The following GRIP2 variants were observed in gnomAD, a reference collection of about 807,000 sequenced individuals.
GRIP2 encodes the protein glutamate receptor interacting protein 2.
Under a neutral mutation model 108.3 loss-of-function variants are expected in GRIP2, and 58 were observed. That is an observed-to-expected ratio of 0.54 (90% CI 0.43 to 0.67). The LOEUF (loss-of-function observed/expected upper bound fraction) is 0.67. Ranked by LOEUF, GRIP2 falls within the 30% of genes least tolerant of loss-of-function variation. The pLI is 0.00. For synonymous variants in GRIP2, 586 were observed against 598.2 expected, an observed-to-expected ratio of 0.98 and a Z score of 0.30; for missense variants, 1,278 against 1,430.6, an observed-to-expected ratio of 0.89 and a Z score of 1.72.
chr3:14,564,270 T>C, the GRIP2 span, among the ~76,000 whole-genome samples: 2 of 152,228 alleles, frequency 1.3e-5, no homozygotes, highest in East Asian at 3.9e-4. Flanking sequence ...GCAGGCACCA[T>C]TCACAAGTAC....
the GRIP2 span, among the ~76,000 whole-genome samples, chr3:14,564,993 C>A: frequency 7.6e-3 from 1,159 of 152,336 alleles, 5 homozygotes; most frequent in Admixed American, 0.011. Flanking sequence ...AACACAGCAC[C>A]CCGAGCACAA....
chr3:14,535,278 C>T (rs1042182142), intron 1 of GRIP2, among the ~76,000 whole-genome samples: 5 of 152,150 alleles, frequency 3.3e-5, no homozygotes, highest in African/African-American at 1.2e-4. Context: ...GACTTTGATT[C>T]TAAATCGGCT....
the GRIP2 span, among the ~76,000 whole-genome samples, chr3:14,597,324 T>TG: frequency 2.0e-5 from 3 of 152,018 alleles, no homozygotes; most frequent in Non-Finnish European, 2.9e-5. Context: ...TTTTTTCCAG[T>TG]GGGGAAAAAA....
chr3:14,511,447 T>G lies in GRIP2; in HGVS notation c.1753A>C (p.Ile585Leu). 6.2e-7 allele frequency: 1 copy of G among 1,613,792 alleles called. No homozygotes were observed. The highest frequency in any genetic ancestry group is 8.5e-7 in the Non-Finnish European group (1 of 1,179,862). ...ACGCTGCCTTTCTTGATGTCGGAGA[T>G]GATCAAGGGCTCCCCTCGTTTCCTG... Reference protein sequence around the residue: ...ASRKRGEPLIISDIKKGSVAH... With the variant: ...ASRKRGEPLILSDIKKGSVAH... The change falls in exon 15 of 24, where the codon ATC (isoleucine) becomes CTC (leucine). Residue 585 changes from isoleucine to leucine, a missense_variant. Ile to Leu is a conservative substitution (Grantham distance 5, BLOSUM62 2). Coordinates refer to ENST00000621039, the MANE Select transcript of GRIP2 (RefSeq NM_001080423.4). This position sits in a 1 kb window ranked among gnomAD's most constrained non-coding sequence, Gnocchi z 4.1.
chr3:14,536,637 G>A lies in GRIP2; in HGVS notation c.40+3632C>T, dbSNP rs376252649. ...CCTGTCCAGCAGGCCTGAGCCACAC[G>A]CAGGCCAACATCCCACCATGGGAGA... On this transcript the variant is annotated intron_variant, in intron 1 of 23. Transcript: ENST00000621039. Among the ~76,000 whole-genome samples the A allele has an allele frequency of 7.9e-5, 12 of 152,342 alleles. No individual in the cohort carries two copies. In the East Asian group the frequency reaches 9.6e-4, roughly 12 times the overall value.
intron 20 of GRIP2, among the ~76,000 whole-genome samples, chr3:14,504,160 T>C (rs1315684553): frequency 2.0e-5 from 3 of 152,120 alleles, no homozygotes; most frequent in Non-Finnish European, 4.4e-5. Flanking sequence ...ATAACTCCCA[T>C]CACAGGTTGT....
At chr3:14,508,831 C>T (rs1331738386) in intron 17 of GRIP2, among the ~76,000 whole-genome samples, 2 of 152,122 alleles carry the variant, frequency 1.3e-5, no homozygotes, top group African/African-American at 2.4e-5. Context: ...AGATGAATTT[C>T]ATCTTTTTGC....
intron 17 of GRIP2, among the ~76,000 whole-genome samples, chr3:14,509,322 C>T (rs1053911439): frequency 2.6e-5 from 4 of 152,246 alleles, no homozygotes; most frequent in African/African-American, 7.2e-5. Flanking sequence ...CACTGGGGGT[C>T]GGGTTCCATC....
In GRIP2 at chr3:14,505,665, G is replaced by A. The variant is rs371589692; in HGVS notation, c.2523C>T (p.Asp841=). Residue 841 remains aspartate (D), a synonymous_variant, in exon 20 of 24, where the codon GAC becomes GAT. Transcript: ENST00000621039. This position sits in a 1 kb window ranked among gnomAD's most constrained non-coding sequence, Gnocchi z 4.2. ...CCTCCTCCTCCTCTGGAAAGCTCTC[G>A]TCAGCTGGGGTTGGGGTATAGCTCG... The part of the protein sequence containing the change: ...RRTSYTPTPA[D]ESFPEEEEED... The A allele has an allele frequency of 4.3e-5, 69 of 1,608,248 alleles. No individual in the cohort carries two copies. In the African/African-American group the frequency reaches 5.7e-4, roughly 13 times the overall value.
chr3:14,581,022 G>A, the GRIP2 span, among the ~76,000 whole-genome samples: 2 of 152,302 alleles, frequency 1.3e-5, no homozygotes, highest in South Asian at 4.1e-4. Context: ...ACAATTGCAT[G>A]AGCCAATTCC....
chr3:14,523,315 C>T (rs1169439798), intron 5 of GRIP2: 2 of 575,866 alleles, frequency 3.5e-6, no homozygotes, highest in Non-Finnish European at 6.2e-6. Flanking sequence ...CTTCTGTGAC[C>T]TCACCTTATT....
At chr3:14,539,551 C>T (rs557654767) in intron 1 of GRIP2, among the ~76,000 whole-genome samples, 1 of 152,296 alleles carries the variant, frequency 6.6e-6, no homozygotes, top group Admixed American at 6.5e-5. Context: ...ATGTCAAGAG[C>T]GTGGGAAGAA....
In GRIP2 at chr3:14,489,219, C is replaced by T. The variant is rs1465758961; in HGVS notation, c.*4446G>A. The T allele has an allele frequency of 6.6e-6, 1 of 152,542 alleles. No homozygotes were observed. The highest frequency in any genetic ancestry group is 1.5e-5 in the Non-Finnish European group (1 of 68,006). The allele number at this position is 152,542 out of a possible 1,614,324, so 9.4% of individuals were successfully genotyped here. On this transcript the variant is annotated 3_prime_UTR_variant, in exon 24 of 24. Transcript: ENST00000621039. ...TTATGATATGATTCCCTGTATTTTG[C>T]AGGGGTTTTTTTCTCTTTTGCTTTT...
At chr3:14,515,943 T>C in intron 11 of GRIP2, among the ~76,000 whole-genome samples, 1 of 152,168 alleles carries the variant, frequency 6.6e-6, no homozygotes, top group Non-Finnish European at 1.5e-5. Context: ...TTTGTTTCTT[T>C]TCACTACTAT....
intron 21 of GRIP2, among the ~76,000 whole-genome samples, chr3:14,499,562 G>GA (rs371586747): frequency 0.11 from 14,866 of 136,464 alleles, 1,241 homozygotes; most frequent in African/African-American, 0.24. Context: ...CCAAAAAAAA[G>GA]AAAAAAAAAA....
rs944425981 is a variant in GRIP2, at chr3:14,506,911, G to A, written c.2288C>T (p.Ala763Val). ...TSDADEDPADALKGGLPAARF... is the reference protein window; with the variant it reads ...TSDADEDPADVLKGGLPAARF... ...GGCTGCTGGCAGGCCTCCTTTCAGG[G>A]CATCTGCTGGGTCCTCATCAGCATC... Residue 763 changes from alanine to valine, a missense_variant, in exon 19 of 24, where the codon GCC becomes GTC. Transcript: ENST00000621039. 6.2e-6 allele frequency: 10 copies of A among 1,606,242 alleles called. No homozygotes were observed. In the African/African-American group the frequency reaches 1.1e-4, roughly 17 times the overall value.
chr3:14,598,779 C>A, the GRIP2 span, among the ~76,000 whole-genome samples: 1 of 152,158 alleles, frequency 6.6e-6, no homozygotes, highest in Non-Finnish European at 1.5e-5. Context: ...ATTCTTCTTT[C>A]TCTTCCTCCA....
At chr3:14,524,306 C>G in intron 4 of GRIP2, 87 bp downstream of exon 4, 1 of 1,450,722 alleles carries the variant, frequency 6.9e-7, no homozygotes, top group South Asian at 1.3e-5. Context: ...CTGGCATGAT[C>G]CCTGCCACCC....
intron 1 of GRIP2, among the ~76,000 whole-genome samples, chr3:14,555,268 A>C (rs1274228361): frequency 3.3e-4 from 42 of 126,530 alleles, no homozygotes; most frequent in Non-Finnish European, 4.5e-4. Context: ...GCTCCCTCCC[A>C]CCCCTCCTCC....
Sources: allele counts gnomAD v4.1 joint callset (sites outside exome capture counted in the v4.1 genomes callset), GRCh38; gene constraint gnomAD v4.1.1; non-coding constraint Gnocchi (gnomAD v3.1); transcripts MANE v1.5; gene names NCBI Gene and HGNC (gene_info 2026-07-23, HGNC 2026-07-21).